The following SLC34A2 variants were observed in gnomAD, a reference collection of about 807,000 sequenced individuals.
The protein encoded by SLC34A2 is sodium-dependent phosphate transport protein 2B.
A neutral mutation model predicts 50.8 loss-of-function variants in SLC34A2; 41 were observed. The ratio of observed to expected loss-of-function variants is 0.81; its 90% CI spans 0.63 to 1.05. The LOEUF is 1.05. Among genes scored for constraint, SLC34A2 ranks in the 50% least tolerant of loss-of-function variants. The pLI, the probability that SLC34A2 is intolerant of heterozygous loss-of-function variation, is 0.00. For synonymous variants in SLC34A2, 401 were observed against 364.2 expected, an observed-to-expected ratio of 1.10 and a Z score of -1.15; for missense variants, 879 against 876.7, an observed-to-expected ratio of 1.00 and a Z score of -0.03.
rs973512498 is a variant in SLC34A2, at chr4:25,671,570, G to A, written c.928-31G>A. The A allele has an allele frequency of 1.9e-6, 3 of 1,613,902 alleles. No individual in the cohort carries two copies. In the African/African-American group the frequency reaches 4.0e-5, roughly 22 times the overall value. ...CTCCCATTCCCCACTAAAAGCCAGT[G>A]TTGTGGGCATTTGTCATGTTTGTCA... On this transcript the variant is annotated intron_variant, in intron 8 of 12. Coordinates refer to ENST00000382051, the MANE Select transcript of SLC34A2 (RefSeq NM_006424.3).
intron 9 of SLC34A2, 122 bp downstream of exon 9, chr4:25,671,843 C>T (rs946808579): frequency 1.5e-6 from 2 of 1,348,954 alleles, no homozygotes; most frequent in South Asian, 1.2e-5. Flanking sequence ...ACCTGCCCTA[C>T]ATCAAGCAGT....
rs780731923 is a variant in SLC34A2, at chr4:25,674,331, C to G, written c.1252C>G (p.Leu418Val). The G allele has an allele frequency of 5.6e-6, 9 of 1,614,178 alleles. No individual in the cohort carries two copies. Among genetic ancestry groups the G allele is most frequent in the Non-Finnish European group, 7.6e-6 (9 of 1,180,038 alleles). The change falls in exon 11 of 13, where the codon CTG becomes GTG. Residue 418 changes from leucine (L) to valine (V), a missense_variant. Coordinates refer to ENST00000382051, the MANE Select transcript of SLC34A2 (RefSeq NM_006424.3). ...PFPFAWLTGYLAILVGAGMTF... is the reference protein window; with the variant it reads ...PFPFAWLTGYVAILVGAGMTF... Reference sequence around the variant, plus strand: ...TCCCTTTGCATGGTTGACTGGCTACCTGGCCATCCTCGTCGGGGCAGGCAT... The same window carrying G: ...TCCCTTTGCATGGTTGACTGGCTACGTGGCCATCCTCGTCGGGGCAGGCAT...
At chr4:25,670,424 C>A (rs1339176790) in intron 7 of SLC34A2, among the ~76,000 whole-genome samples, 1 of 152,170 alleles carries the variant, frequency 6.6e-6, no homozygotes, top group Non-Finnish European at 1.5e-5. Flanking sequence ...GTCCTCAACA[C>A]CAGTGGACTT....
chr4:25,660,136 C>A (rs79895353), intron 1 of SLC34A2, among the ~76,000 whole-genome samples: 2 of 152,320 alleles, frequency 1.3e-5, no homozygotes, highest in East Asian at 3.9e-4. Context: ...ACATCACATT[C>A]ATTCTATCAT....
In SLC34A2 at chr4:25,662,750, C is replaced by T. The variant is rs1410827889; in HGVS notation, c.158C>T (p.Ser53Phe). ...APVTKIELLPSYSTATLIDEP... is the reference protein window; with the variant it reads ...APVTKIELLPFYSTATLIDEP... The stretch of plus-strand genomic sequence containing the variant: ...GTAACCAAGATTGAACTTCTGCCGT[C>T]CTACTCCACGGCTACACTGATAGAT... The change falls in exon 3 of 13, where the codon TCC becomes TTC. Residue 53 changes from serine to phenylalanine, a missense_variant. Transcript: ENST00000382051. The T allele has an allele frequency of 6.2e-7, 1 of 1,614,106 alleles. No individual in the cohort carries two copies. Among genetic ancestry groups the T allele is most frequent in the South Asian group, 1.1e-5 (1 of 91,082 alleles).
chr4:25,672,986 G>A, intron 9 of SLC34A2, 101 bp from the exon 10 acceptor site: 1 of 1,323,906 alleles, frequency 7.6e-7, no homozygotes, highest in Non-Finnish European at 1.1e-6. Context: ...CTAACAACCA[G>A]GAATCTGTTT....
chr4:25,660,100 T>G (rs1412724847), intron 1 of SLC34A2, among the ~76,000 whole-genome samples: 2 of 152,270 alleles, frequency 1.3e-5, no homozygotes, highest in Non-Finnish European at 2.9e-5. Flanking sequence ...CTGTAAATGA[T>G]AGAGCAGCAA....
rs758725458 is a variant in SLC34A2, at chr4:25,662,548, G to C, written c.48G>C (p.Lys16Asn). The change falls in exon 2 of 13, where the codon AAG becomes AAC. Residue 16 changes from lysine (K) to asparagine (N), a missense_variant. Coordinates refer to ENST00000382051, the MANE Select transcript of SLC34A2 (RefSeq NM_006424.3). ...ELGDAQPNPDKYLEGAAGQQP... is the reference protein window; with the variant it reads ...ELGDAQPNPDNYLEGAAGQQP... Reference sequence around the variant, plus strand: ...GAGATGCCCAGCCCAACCCCGATAAGTACCTCGAAGGGGCCGCAGGTCAGC... The same window carrying C: ...GAGATGCCCAGCCCAACCCCGATAACTACCTCGAAGGGGCCGCAGGTCAGC... 2 of 1,614,016 alleles carry C rather than the reference G, an allele frequency of 1.2e-6. No individual in the cohort carries two copies. The highest frequency in any genetic ancestry group is 8.5e-7 in the Non-Finnish European group (1 of 1,180,012).
At chr4:25,669,892 C>T (rs371171469) in intron 7 of SLC34A2, 50 bp downstream of exon 7, 1 of 1,447,664 alleles carries the variant, frequency 6.9e-7, no homozygotes, top group African/African-American at 1.4e-5. Context: ...CTACCCACAA[C>T]ATCCCCTACC....
At chr4:25,664,063 C>A in intron 3 of SLC34A2, 139 bp from the exon 4 acceptor site, 1 of 829,230 alleles carries the variant, frequency 1.2e-6, no homozygotes. Flanking sequence ...GCTGGCTAGA[C>A]ATAAGAACTT....
In SLC34A2 at chr4:25,670,615, C is replaced by T. The variant is rs886725424; in HGVS notation, c.832-123C>T. The T allele has an allele frequency of 2.0e-5, 15 of 736,226 alleles. No individual in the cohort carries two copies. In the African/African-American group the frequency reaches 2.1e-4, roughly 10 times the overall value. 45.6% of individuals were successfully genotyped at this position (736,226 alleles called of 1,614,324 possible). ...TGCAGATAGAGTGAGTCCCACTTTG[C>T]CTCTCTGGGGGCTCACAGTCACATT... is the stretch of plus-strand genomic sequence containing the variant. On this transcript the variant is annotated intron_variant, in intron 7 of 12. Transcript: ENST00000382051.
chr4:25,666,097 T>G (rs1714483487), intron 4 of SLC34A2, 31 bp from the exon 5 acceptor site: 1 of 1,610,198 alleles, frequency 6.2e-7, no homozygotes, highest in South Asian at 1.1e-5. Flanking sequence ...CACGTTGTGA[T>G]TGTTTTTGTT....
rs1714475511 is a variant in SLC34A2, at chr4:25,665,995, T to G, written c.380-133T>G. On this transcript the variant is annotated intron_variant, in intron 4 of 12. Coordinates refer to ENST00000382051, the MANE Select transcript of SLC34A2 (RefSeq NM_006424.3). ...GGGGAAGCAAGATTCCTTGGGTGCC[T>G]GCAGCGATGGAGGCTGGACTCTGCA... 3.2e-5 allele frequency: 34 copies of G among 1,073,778 alleles called. 1 individual carries two copies. The South Asian group carries it at 4.3e-4, about 14-fold the overall frequency. 66.5% of individuals were successfully genotyped at this position (1,073,778 alleles called of 1,614,324 possible). A position where few individuals can be genotyped will look rare whatever the true frequency, so the allele number is the denominator to read the frequency against.
At chr4:25,664,782 C>G (rs1292460996) in intron 4 of SLC34A2, 1 of 261,166 alleles carries the variant, frequency 3.8e-6, no homozygotes, top group Non-Finnish European at 7.4e-6. Flanking sequence ...ACCTTCACAG[C>G]CCTTAGGGCT....
At chr4:25,671,406 T>G (rs1306921514) in intron 8 of SLC34A2, among the ~76,000 whole-genome samples, 195 bp from the exon 9 acceptor site, 1 of 152,178 alleles carries the variant, frequency 6.6e-6, no homozygotes, top group Non-Finnish European at 1.5e-5. Context: ...AAGGCTGATT[T>G]CAGTTGTCCT....
rs545884335 is a variant in SLC34A2 at position 25,667,781 on chromosome 4, G to C, written c.524-99G>C. 3.9e-6 allele frequency: 3 copies of C among 776,292 alleles called. No individual in the cohort carries two copies. The African/African-American group carries it at 5.1e-5, about 13-fold the overall frequency. The allele number at this position is 776,292 out of a possible 1,614,324, so 48.1% of individuals were successfully genotyped here. On this transcript the variant is annotated intron_variant, in intron 5 of 12. Coordinates refer to ENST00000382051, the MANE Select transcript of SLC34A2 (RefSeq NM_006424.3). The stretch of plus-strand genomic sequence containing the variant: ...AGTTTAAGAATTCACTTGCATAGAG[G>C]ATAAAAACTACTTCTTTAGAGGATA...
chr4:25,664,724 G>A (rs778961523), intron 4 of SLC34A2, among the ~76,000 whole-genome samples: 1 of 152,096 alleles, frequency 6.6e-6, no homozygotes, highest in Non-Finnish European at 1.5e-5. Flanking sequence ...GCTGGGGGAA[G>A]GACAGGGCCC....
At position 25,676,801 on chromosome 4, in the gene SLC34A2, C is replaced by A; in HGVS notation, c.*52C>A. On this transcript the variant is annotated 3_prime_UTR_variant, in exon 13 of 13. Transcript: ENST00000382051. ...GGGGATGGTCCTTGAGTTTTGCATG[C>A]TCTCCTCCCTCCCACTTCTGCACCC... is the stretch of plus-strand genomic sequence containing the variant. The A allele has an allele frequency of 6.2e-7, 1 of 1,611,230 alleles. No individual in the cohort carries two copies. The highest frequency in any genetic ancestry group is 8.5e-7 in the Non-Finnish European group (1 of 1,178,610).
At chr4:25,666,406 C>A (rs1426196087) in intron 5 of SLC34A2, 135 bp downstream of exon 5, 3 of 994,958 alleles carry the variant, frequency 3.0e-6, no homozygotes, top group Admixed American at 2.6e-5. Flanking sequence ...CTTGCCCCAG[C>A]TACAATGTGT....
Sources: gnomAD v4.1 joint callset for allele counts (sites outside exome capture counted in the v4.1 genomes callset) on GRCh38, gnomAD v4.1.1 for gene constraint, MANE v1.5 for transcripts, NCBI Gene and HGNC (gene_info 2026-07-23, HGNC 2026-07-21) for gene names.